SFTPD: variants seen among roughly 807,000 people sequenced by gnomAD.
SFTPD encodes the protein pulmonary surfactant-associated protein D.
SFTPD carries 18 observed loss-of-function variants against 34.6 expected under a neutral mutation model. That is an observed-to-expected ratio of 0.52 (90% CI 0.36 to 0.77). The LOEUF is 0.77. Among genes scored for constraint, SFTPD ranks in the 30% least tolerant of loss-of-function variants. SFTPD has a pLI of 0.00. For synonymous variants in SFTPD, 155 were observed against 180.9 expected, an observed-to-expected ratio of 0.86 and a Z score of 1.15; for missense variants, 433 against 468.9, an observed-to-expected ratio of 0.92 and a Z score of 0.71.
intron 1 of SFTPD, among the ~76,000 whole-genome samples, chr10:79,979,336 C>T (rs767099197): frequency 4.6e-5 from 7 of 151,910 alleles, no homozygotes; most frequent in Admixed American, 1.3e-4. Flanking sequence ...CACAAAAAAA[C>T]ACCTTCATAA....
upstream of SFTPD, chr10:79,950,967 A>G (rs1842706430): frequency 6.6e-6 from 1 of 152,014 alleles, no homozygotes; most frequent in Non-Finnish European, 1.5e-5. Flanking sequence ...TGCTTGGTCT[A>G]GTCTTTTGCT....
At chr10:79,950,231 T>G (rs1358953130), upstream of SFTPD, 1 of 152,240 alleles carries the variant, frequency 6.6e-6, no homozygotes, top group African/African-American at 2.4e-5. Flanking sequence ...TCATGATAAT[T>G]GTTACCCAGT....
rs147570218 is a variant in SFTPD at position 79,976,648 on chromosome 10, C to T, written c.36+5927G>A. On this transcript the variant is annotated intron_variant, in intron 1 of 5. Transcript: ENST00000444384. ...GAGCATAATGAAGCTTTCCACCTCC[C>T]CCTTCTGAGAACTGGGGACAAGAAG... Among the ~76,000 whole-genome samples, 136 of 152,300 alleles carry T rather than the reference C, an allele frequency of 8.9e-4. 2 individuals carry two copies. The East Asian group carries it at 0.025, about 28-fold the overall frequency.
At chr10:79,976,072 G>T (rs564755605) in intron 1 of SFTPD, among the ~76,000 whole-genome samples, 1 of 150,752 alleles carries the variant, frequency 6.6e-6, no homozygotes, top group African/African-American at 2.4e-5. Flanking sequence ...ATTTTGGGGG[G>T]CCTGTTCCCA....
upstream of SFTPD, among the ~76,000 whole-genome samples, chr10:79,953,060 C>G (rs936385804): frequency 5.3e-5 from 8 of 152,170 alleles, no homozygotes; most frequent in African/African-American, 1.9e-4. Context: ...GTGGGTTCCC[C>G]AATAGGTCAT....
rs750177705 is a variant in SFTPD, at chr10:79,938,226, C to G, written c.754G>C (p.Glu252Gln). ...QAAFSQYKKVELFPNGQSVGE... is the reference protein window; with the variant it reads ...QAAFSQYKKVQLFPNGQSVGE... ...ACACTTTGGCCATTTGGGAAGAGCT[C>G]AACTAGGAGAAGAAGAAAGTCAGGT... is the stretch of plus-strand genomic sequence containing the variant. Residue 252 changes from glutamate (E) to glutamine (Q), a missense_variant and splice_region_variant, in exon 8 of 8, where the codon GAG becomes CAG. By Grantham distance (29) the Glu-to-Gln change is conservative. Transcript: ENST00000372292. 3 of 1,587,150 alleles carry G rather than the reference C, an allele frequency of 1.9e-6. No individual in the cohort carries two copies. The Admixed American group carries it at 5.1e-5, about 27-fold the overall frequency.
intron 1 of SFTPD, among the ~76,000 whole-genome samples, chr10:79,979,206 A>T (rs1210676090): frequency 2.6e-5 from 4 of 152,232 alleles, no homozygotes; most frequent in Non-Finnish European, 4.4e-5. Context: ...AATGATCTGT[A>T]CACTGAAAAA....
chr10:79,941,414 T>C lies in SFTPD; in HGVS notation c.651A>G (p.Gly217=), dbSNP rs1250106919. 1 of 1,614,008 alleles carries C rather than the reference T, an allele frequency of 6.2e-7. No individual in the cohort carries two copies. The highest frequency in any genetic ancestry group is 1.7e-5 in the Admixed American group (1 of 60,012). Residue 217 remains glycine, a synonymous_variant, in exon 6 of 8, where the codon GGA becomes GGG. Transcript: ENST00000372292. ...CTACCTTACCTGGAAGCCCACTTTC[T>C]CCCTTTGCTCCTTTGTCTCCAGGAA... is the stretch of plus-strand genomic sequence containing the variant. ...KGIPGDKGAK[G]ESGLPDVASL...
Position 79,941,457 on chromosome 10 carries a change from A to C in SFTPD, c.608T>G (p.Leu203Trp), listed in dbSNP as rs747719768. Residue 203 changes from leucine to tryptophan, a missense_variant, in exon 6 of 8, where the codon TTG becomes TGG. Transcript: ENST00000372292. ...TCCAGGAATGCCTTTGTCCCCCTTC[A>C]ATCCCGGGGGTCCCCTGGCACCTGG... ...GSPGARGPPGLKGDKGIPGDK... is the reference protein window; with the variant it reads ...GSPGARGPPGWKGDKGIPGDK... The C allele has an allele frequency of 6.2e-7, 1 of 1,613,300 alleles. No individual in the cohort carries two copies. The highest frequency in any genetic ancestry group is 8.5e-7 in the Non-Finnish European group (1 of 1,179,586).
intron 1 of SFTPD, chr10:79,969,307 C>T (rs1383072939): frequency 2.0e-5 from 3 of 152,070 alleles, no homozygotes; most frequent in Admixed American, 2.0e-4. Context: ...AACCCTGTCT[C>T]TACTAAATAT....
chr10:79,960,785 GAA>G (rs769988922), intron 1 of SFTPD, among the ~76,000 whole-genome samples: 122 of 152,226 alleles, frequency 8.0e-4, no homozygotes, highest in Middle Eastern at 3.4e-3. Context: ...CACAGAATTG[GAA>G]AAAACTACTT....
Position 79,938,204 on chromosome 10 carries a change from C to T in SFTPD, c.776G>A (p.Ser259Asn). The T allele has an allele frequency of 6.3e-7, 1 of 1,597,356 alleles. No individual in the cohort carries two copies. Among genetic ancestry groups the T allele is most frequent in the Non-Finnish European group, 8.6e-7 (1 of 1,166,324 alleles). Reference sequence around the variant, plus strand: ...TGTCTTGAAAATCTTCTCCCCGACACTTTGGCCATTTGGGAAGAGCTCAAC... The same window carrying T: ...TGTCTTGAAAATCTTCTCCCCGACATTTTGGCCATTTGGGAAGAGCTCAAC... ...KKVELFPNGQ[S>N]VGEKIFKTAG... The change falls in exon 8 of 8, where the codon AGT (serine) becomes AAT (asparagine). Residue 259 changes from serine to asparagine, a missense_variant. Coordinates refer to ENST00000372292, the MANE Select transcript of SFTPD (RefSeq NM_003019.5).
intron 1 of SFTPD, among the ~76,000 whole-genome samples, chr10:79,963,328 G>A (rs1374914629): frequency 6.7e-6 from 1 of 150,152 alleles, no homozygotes; most frequent in Admixed American, 6.7e-5. Flanking sequence ...TAGCCTGAGT[G>A]AGAGTGAGAC....
intron 1 of SFTPD, chr10:79,982,259 G>GCT: frequency 1.1e-6 from 1 of 939,518 alleles, no homozygotes; most frequent in Non-Finnish European, 1.4e-6. Context: ...CGCGGGCGGC[G>GCT]GCGGGGGCGC....
intron 1 of SFTPD, among the ~76,000 whole-genome samples, chr10:79,967,026 AC>A (rs1842806629): frequency 7.3e-6 from 1 of 136,582 alleles, no homozygotes; most frequent in African/African-American, 2.9e-5. Context: ...CTGTTTGCAG[AC>A]GACATGATTG....
chr10:79,962,230 G>T (rs1006608664), intron 1 of SFTPD, among the ~76,000 whole-genome samples: 1 of 150,574 alleles, frequency 6.6e-6, no homozygotes. Context: ...CACCAACATG[G>T]CACATGTATA....
chr10:79,962,781 A>C (rs999968011), intron 1 of SFTPD, among the ~76,000 whole-genome samples: 1 of 152,218 alleles, frequency 6.6e-6, no homozygotes, highest in African/African-American at 2.4e-5. Flanking sequence ...TTTTAACAAT[A>C]CGTTGTAAAA....
At chr10:79,975,381 A>G (rs1842858903) in intron 1 of SFTPD, among the ~76,000 whole-genome samples, 1 of 152,114 alleles carries the variant, frequency 6.6e-6, no homozygotes, top group African/African-American at 2.4e-5. Flanking sequence ...TCAGTGTGAA[A>G]AAGTTCCTAG....
upstream of SFTPD, among the ~76,000 whole-genome samples, chr10:79,952,567 G>C (rs561428143): frequency 6.6e-6 from 1 of 152,132 alleles, no homozygotes; most frequent in East Asian, 1.9e-4. Context: ...AAAGGAGTAC[G>C]TTGGCACAGA....
Sources: gnomAD v4.1 joint callset for allele counts (sites outside exome capture counted in the v4.1 genomes callset) on GRCh38, gnomAD v4.1.1 for gene constraint, MANE v1.5 for transcripts, NCBI Gene and HGNC (gene_info 2026-07-23, HGNC 2026-07-21) for gene names.